GALNTL6: variants seen among roughly 807,000 people sequenced by gnomAD.
GALNTL6 encodes the protein polypeptide N-acetylgalactosaminyltransferase-like 6.
Under a neutral mutation model 73.7 loss-of-function variants are expected in GALNTL6, and 46 were observed. That is an observed-to-expected ratio of 0.62 (90% CI 0.49 to 0.80). The LOEUF (loss-of-function observed/expected upper bound fraction) is 0.80. GALNTL6 is among the 30% of genes least tolerant of loss of function. The pLI is 0.00. For missense variants in GALNTL6, 604 were observed against 755.0 expected (o/e 0.80, Z 2.34); for synonymous variants, 259 against 263.7 (o/e 0.98, Z 0.17).
chr4:172,472,886 C>T (rs1357666272), intron 5 of GALNTL6, among the ~76,000 whole-genome samples: 1 of 152,004 alleles, frequency 6.6e-6, no homozygotes, highest in East Asian at 1.9e-4. Context: ...TGCTTTAAGC[C>T]CCCCATTTTA....
chr4:172,894,181 G>A (rs1746199481), intron 8 of GALNTL6, among the ~76,000 whole-genome samples: 1 of 151,966 alleles, frequency 6.6e-6, no homozygotes, highest in Admixed American at 6.6e-5. Context: ...CTGTTTTATT[G>A]TCTCAGTTTC....
At chr4:172,966,437 C>T (rs914894945) in intron 10 of GALNTL6, among the ~76,000 whole-genome samples, 25 of 151,820 alleles carry the variant, frequency 1.6e-4, no homozygotes, top group African/African-American at 4.8e-4. Context: ...CTCTGTCACG[C>T]AGGCTGGAGT....
chr4:172,345,032 A>G (rs1741691142), intron 4 of GALNTL6, among the ~76,000 whole-genome samples: 1 of 152,092 alleles, frequency 6.6e-6, no homozygotes, highest in South Asian at 2.1e-4. Flanking sequence ...ATATGATGCT[A>G]TATGAAGTAC....
At chr4:172,408,185 G>T (rs1744303797) in intron 5 of GALNTL6, among the ~76,000 whole-genome samples, 1 of 151,976 alleles carries the variant, frequency 6.6e-6, no homozygotes, top group South Asian at 2.1e-4. Flanking sequence ...ATTATTATGT[G>T]AGAATAGTGG....
At position 172,351,145 on chromosome 4, in the gene GALNTL6, T is replaced by A. The variant is rs1578983798; in HGVS notation, c.553+2456T>A. 2.0e-5 allele frequency among the ~76,000 whole-genome samples: 3 copies of A among 151,628 alleles called. No individual in the cohort carries two copies. The South Asian group carries it at 6.2e-4, about 31-fold the overall frequency. ...TGTCTATACTTTCTGGAGAAGAGAT[T>A]CTCTTAATTTAATCAAATGTGATCC... On this transcript the variant is annotated intron_variant, in intron 5 of 12. Coordinates refer to ENST00000506823, the MANE Select transcript of GALNTL6 (RefSeq NM_001034845.3).
intron 5 of GALNTL6, among the ~76,000 whole-genome samples, chr4:172,606,361 G>A (rs181100161): frequency 0.03 from 4,591 of 150,992 alleles, 109 homozygotes; most frequent in South Asian, 0.085. Flanking sequence ...GGCTGAGGCA[G>A]GAGAATCGCT....
intron 5 of GALNTL6, among the ~76,000 whole-genome samples, chr4:172,518,064 G>C (rs536266714): frequency 6.6e-6 from 1 of 151,792 alleles, no homozygotes; most frequent in East Asian, 1.9e-4. Context: ...TGCTCACAAA[G>C]GCTTTTAAGA....
chr4:172,138,301 A>C (rs901711505), intron 2 of GALNTL6, among the ~76,000 whole-genome samples: 1 of 150,872 alleles, frequency 6.6e-6, no homozygotes, highest in Non-Finnish European at 1.5e-5. Context: ...TGATTTTATC[A>C]TACTTGATAT....
intron 9 of GALNTL6, among the ~76,000 whole-genome samples, chr4:172,936,739 C>G (rs1487756248): frequency 6.6e-6 from 1 of 152,104 alleles, no homozygotes; most frequent in Non-Finnish European, 1.5e-5. Flanking sequence ...GGAGAACTAA[C>G]TATAAGAACC....
Position 172,616,342 on chromosome 4 carries a change from C to G in GALNTL6, c.554-193019C>G, listed in dbSNP as rs571556411. On this transcript the variant is annotated intron_variant, in intron 5 of 12. Transcript: ENST00000506823. ...CACCCCTTTTTTTGTCTTATTTGGT[C>G]CTAACTGACTTCTTCAGAATGTTGC... Among the ~76,000 whole-genome samples, 27 of 152,042 alleles carry G rather than the reference C, an allele frequency of 1.8e-4. No individual in the cohort carries two copies. The East Asian group carries it at 5.0e-3, about 28-fold the overall frequency.
chr4:172,179,340 T>C (rs1218704565), intron 2 of GALNTL6, among the ~76,000 whole-genome samples: 2,793 of 149,166 alleles, frequency 0.019, 79 homozygotes, highest in African/African-American at 0.063. Context: ...TTTTTAATGA[T>C]TGCCATTCTA....
chr4:172,919,212 G>A (rs557924337), intron 8 of GALNTL6, among the ~76,000 whole-genome samples: 4 of 152,190 alleles, frequency 2.6e-5, no homozygotes, highest in Middle Eastern at 3.4e-3. Context: ...GGAAGAATTC[G>A]GGAGGAAGCT....
chr4:172,085,053 T>G (rs1731989515), intron 2 of GALNTL6, among the ~76,000 whole-genome samples: 1 of 152,162 alleles, frequency 6.6e-6, no homozygotes, highest in Non-Finnish European at 1.5e-5. Flanking sequence ...TAGAAAATTA[T>G]AATAGAATAT....
intron 5 of GALNTL6, among the ~76,000 whole-genome samples, chr4:172,452,315 T>C (rs1236651599): frequency 6.6e-6 from 1 of 151,660 alleles, no homozygotes; most frequent in Non-Finnish European, 1.5e-5. Flanking sequence ...TATTTATTTA[T>C]ATATATAAAA....
At chr4:172,581,024 A>C (rs555402939) in intron 5 of GALNTL6, among the ~76,000 whole-genome samples, 1 of 152,290 alleles carries the variant, frequency 6.6e-6, no homozygotes, top group Non-Finnish European at 1.5e-5. Context: ...AGCCTCCCAA[A>C]GTGCTGGGAT....
At chr4:172,958,368 A>G (rs936152284) in intron 10 of GALNTL6, among the ~76,000 whole-genome samples, 6 of 152,100 alleles carry the variant, frequency 3.9e-5, no homozygotes. Context: ...GGCTGTGGGT[A>G]ATGGAAAGGG....
chr4:172,345,058 C>A (rs1221797691), intron 4 of GALNTL6, among the ~76,000 whole-genome samples: 3 of 150,988 alleles, frequency 2.0e-5, no homozygotes, highest in Admixed American at 6.6e-5. Context: ...ATAGATGTCC[C>A]AATTAATTCT....
intron 5 of GALNTL6, among the ~76,000 whole-genome samples, chr4:172,411,730 A>T (rs1014966699): frequency 6.6e-6 from 1 of 152,096 alleles, no homozygotes; most frequent in African/African-American, 2.4e-5. Flanking sequence ...CCTGCCTGGG[A>T]CACACCAGTA....
chr4:172,590,922 C>T (rs1737613402), intron 5 of GALNTL6, among the ~76,000 whole-genome samples: 2 of 152,030 alleles, frequency 1.3e-5, no homozygotes, highest in African/African-American at 2.4e-5. Flanking sequence ...GTTATTACTG[C>T]GTCGTGAAAT....
Sources: gnomAD v4.1 joint callset for allele counts (sites outside exome capture counted in the v4.1 genomes callset) on GRCh38, gnomAD v4.1.1 for gene constraint, MANE v1.5 for transcripts, NCBI Gene and HGNC (gene_info 2026-07-23, HGNC 2026-07-21) for gene names.